The following RBFOX1 variants were observed in gnomAD, a reference collection of about 807,000 sequenced individuals.
The protein encoded by RBFOX1 is RNA binding fox-1 homolog 1, also known as RNA binding protein fox-1 homolog 1.
RBFOX1 carries 8 observed loss-of-function variants against 57.7 expected under a neutral mutation model. That is an observed-to-expected ratio of 0.14 (90% CI 0.08 to 0.25). The LOEUF is 0.25. Ranked by LOEUF, RBFOX1 falls within the 10% of genes least tolerant of loss-of-function variation. RBFOX1 has a pLI of 1.00. For synonymous variants in RBFOX1, 326 were observed against 222.4 expected, an observed-to-expected ratio of 1.47 and a Z score of -4.15; for missense variants, 611 against 548.5, an observed-to-expected ratio of 1.11 and a Z score of -1.14.
chr16:6,557,148 CACACATATATAT>C (rs1038024057), intron 2 of RBFOX1, among the ~76,000 whole-genome samples: 1 of 142,948 alleles, frequency 7.0e-6, no homozygotes, highest in Non-Finnish European at 1.5e-5. Context: ...TACATATATA[CACACATATATAT>C]ACACATATAT....
At chr16:6,529,113 C>T (rs796613312) in intron 2 of RBFOX1, among the ~76,000 whole-genome samples, 20 of 152,254 alleles carry the variant, frequency 1.3e-4, no homozygotes, top group African/African-American at 4.6e-4. Flanking sequence ...TTGTTATACT[C>T]CGAAATGTGG....
At chr16:5,298,407 G>A (rs925135514) in intron 1 of RBFOX1, among the ~76,000 whole-genome samples, 1 of 149,758 alleles carries the variant, frequency 6.7e-6, no homozygotes, top group East Asian at 2.0e-4. Context: ...TTTCTAGAGC[G>A]CTCCAAAATA....
chr16:7,285,511 A>G (rs953012459), intron 4 of RBFOX1, among the ~76,000 whole-genome samples: 1 of 151,836 alleles, frequency 6.6e-6, no homozygotes, highest in African/African-American at 2.4e-5. Flanking sequence ...TCACCACTGG[A>G]TCCCTTCTGT....
chr16:7,353,035 G>T lies in RBFOX1; in HGVS notation c.28-165112G>T, dbSNP rs2097155602. On this transcript the variant is annotated intron_variant, in intron 4 of 15. Transcript: ENST00000550418. Reference sequence around the variant, plus strand: ...CCAGCCCATACCACTTTTCCATATGGCTTCAGGTTACAGGTTTGTGCATGA... The same window carrying T: ...CCAGCCCATACCACTTTTCCATATGTCTTCAGGTTACAGGTTTGTGCATGA... 2.0e-5 allele frequency among the ~76,000 whole-genome samples: 3 copies of T among 152,034 alleles called. No individual in the cohort carries two copies. In the South Asian group the frequency reaches 6.2e-4, roughly 32 times the overall value.
chr16:5,715,136 C>G (rs1216733453), intron 3 of RBFOX1, among the ~76,000 whole-genome samples: 2 of 152,178 alleles, frequency 1.3e-5, no homozygotes, highest in Admixed American at 6.5e-5. Context: ...TGCCTCATTC[C>G]TTGGTAATGC....
chr16:6,008,537 C>A (rs1003684266), intron 4 of RBFOX1, among the ~76,000 whole-genome samples: 1 of 152,034 alleles, frequency 6.6e-6, no homozygotes, highest in Non-Finnish European at 1.5e-5. Flanking sequence ...AGAGGCACAT[C>A]CAAATCAAGA....
intron 2 of RBFOX1, among the ~76,000 whole-genome samples, chr16:6,472,199 T>A (rs1344918802): frequency 6.6e-6 from 1 of 152,206 alleles, no homozygotes; most frequent in African/African-American, 2.4e-5. Context: ...GGTAGGGGCA[T>A]GTGTCTGACC....
intron 3 of RBFOX1, among the ~76,000 whole-genome samples, chr16:7,025,692 C>T (rs1440996847): frequency 6.6e-6 from 1 of 151,832 alleles, no homozygotes; most frequent in Non-Finnish European, 1.5e-5. Flanking sequence ...CTGGCCTGGC[C>T]TCTGGAGCCT....
At chr16:7,437,203 A>C (rs17745284) in intron 4 of RBFOX1, among the ~76,000 whole-genome samples, 1 of 151,890 alleles carries the variant, frequency 6.6e-6, no homozygotes, top group East Asian at 2.0e-4. Flanking sequence ...GTTCACAATC[A>C]CAAACAAACA....
In RBFOX1 at chr16:6,780,318, CA is replaced by C. The variant is rs1567215899; in HGVS notation, c.-16+125669del. On this transcript the variant is annotated intron_variant, in intron 3 of 15. Transcript: ENST00000550418. ...ATATTTATACATATATATATTTATT[CA>C]TATTTATATATATTTATACATATTT... Among the ~76,000 whole-genome samples the C allele has an allele frequency of 5.6e-4, 35 of 62,180 alleles. 4 individuals are homozygous for C. The highest frequency in any genetic ancestry group is 2.7e-3 in the African/African-American group (32 of 11,654). The allele number at this position is 62,180 out of a possible 152,430, so 40.8% of individuals were successfully genotyped here.
At chr16:6,957,879 G>A (rs949188839) in intron 3 of RBFOX1, among the ~76,000 whole-genome samples, 2 of 152,160 alleles carry the variant, frequency 1.3e-5, no homozygotes, top group African/African-American at 4.8e-5. Flanking sequence ...AGATTAGTCA[G>A]AGCCCTTAAA....
chr16:7,464,633 T>C (rs1375482471), intron 4 of RBFOX1, among the ~76,000 whole-genome samples: 1 of 151,860 alleles, frequency 6.6e-6, no homozygotes, highest in Non-Finnish European at 1.5e-5. Flanking sequence ...ATGTCCTCTC[T>C]AGGCTTTTAA....
chr16:7,542,039 G>A (rs1268847388), intron 5 of RBFOX1, among the ~76,000 whole-genome samples: 1 of 152,216 alleles, frequency 6.6e-6, no homozygotes, highest in Non-Finnish European at 1.5e-5. Flanking sequence ...CTGGGAAGAA[G>A]TGTGGGTACT....
At chr16:5,440,421 G>T (rs958901171) in intron 1 of RBFOX1, among the ~76,000 whole-genome samples, 1 of 152,004 alleles carries the variant, frequency 6.6e-6, no homozygotes, top group Non-Finnish European at 1.5e-5. Context: ...TTTTGTTTTG[G>T]TTGAAAAAAA....
intron 3 of RBFOX1, among the ~76,000 whole-genome samples, chr16:5,733,527 G>A (rs950869328): frequency 6.6e-5 from 10 of 152,090 alleles, no homozygotes; most frequent in Non-Finnish European, 8.8e-5. Flanking sequence ...TGATATTTAC[G>A]TGACCTTGGC....
chr16:5,385,247 G>A (rs999877374), intron 1 of RBFOX1, among the ~76,000 whole-genome samples: 1 of 152,180 alleles, frequency 6.6e-6, no homozygotes, highest in African/African-American at 2.4e-5. Context: ...AGCTAGAAGC[G>A]ACTCAATCCA....
At chr16:5,956,502 T>C (rs546567169) in intron 4 of RBFOX1, among the ~76,000 whole-genome samples, 1 of 151,670 alleles carries the variant, frequency 6.6e-6, no homozygotes, top group African/African-American at 2.4e-5. Context: ...GGAGCTCCTG[T>C]TAAAAATGCA....
chr16:5,415,303 A>T (rs1381383446), intron 1 of RBFOX1, among the ~76,000 whole-genome samples: 1 of 152,212 alleles, frequency 6.6e-6, no homozygotes, highest in Non-Finnish European at 1.5e-5. Context: ...AGGAAGTGCC[A>T]TACTTTAAAA....
intron 1 of RBFOX1, among the ~76,000 whole-genome samples, chr16:6,316,018 C>T (rs1163891268): frequency 1.3e-5 from 2 of 152,040 alleles, no homozygotes; most frequent in Non-Finnish European, 2.9e-5. Flanking sequence ...TAAAATTTAC[C>T]TCTAAATCTT....
Sources: gnomAD v4.1 joint callset for allele counts (sites outside exome capture counted in the v4.1 genomes callset) on GRCh38, gnomAD v4.1.1 for gene constraint, MANE v1.5 for transcripts, NCBI Gene and HGNC (gene_info 2026-07-23, HGNC 2026-07-21) for gene names.